BBS9: variants seen among roughly 807,000 people sequenced by gnomAD.
The protein encoded by BBS9 is Bardet-Biedl syndrome 9, also known as protein PTHB1.
Under a neutral mutation model 117.7 loss-of-function variants are expected in BBS9, and 89 were observed. That is an observed-to-expected ratio of 0.76 (90% CI 0.64 to 0.90). The LOEUF is 0.90. Among genes scored for constraint, BBS9 ranks in the 40% least tolerant of loss-of-function variants. BBS9 has a pLI of 0.00. For synonymous variants in BBS9, 379 were observed against 370.9 expected (o/e 1.02, Z -0.25); for missense variants, 982 against 1,042.2 (o/e 0.94, Z 0.80).
chr7:33,369,843 A>T lies in BBS9; in HGVS notation c.1789+1981A>T, dbSNP rs543195067. Among the ~76,000 whole-genome samples the T allele has an allele frequency of 1.4e-4, 22 of 152,350 alleles. No individual in the cohort carries two copies. In the East Asian group the frequency reaches 4.0e-3, roughly 28 times the overall value. On this transcript the variant is annotated intron_variant, in intron 17 of 22. Transcript: ENST00000242067. ...AGGTACCTAGTATTAATTGTAGTCC[A>T]GCAATCTGCTTTACAGAAAAATCCT...
chr7:33,352,970 T>C, intron 15 of BBS9, 97 bp downstream of exon 15: 1 of 1,289,998 alleles, frequency 7.8e-7, no homozygotes, highest in Non-Finnish European at 1.1e-6. Context: ...TTTTATGGAC[T>C]GCTCTTTTAA....
chr7:33,353,819 G>T (rs1475026510), intron 15 of BBS9, among the ~76,000 whole-genome samples: 1 of 151,978 alleles, frequency 6.6e-6, no homozygotes, highest in Non-Finnish European at 1.5e-5. Context: ...ATTTATATGA[G>T]AAGTGTTTTA....
At chr7:33,260,437 A>G (rs6956945) in intron 6 of BBS9, among the ~76,000 whole-genome samples, 3,572 of 152,236 alleles carry the variant, frequency 0.023, 132 homozygotes, top group African/African-American at 0.081. Context: ...CCTCCTAGAT[A>G]TATTACTGCC....
rs1365724730 is a variant in BBS9 at position 33,590,341 on chromosome 7, A to C, written c.2522-14524A>C. ...TGAAAGTGGGGTCAAGAGATAGTTA[A>C]TTTTTCTTGATTTGATGTATATTGT... On this transcript the variant is annotated intron_variant, in intron 21 of 22. Coordinates refer to ENST00000242067, the MANE Select transcript of BBS9 (RefSeq NM_198428.3). Among the ~76,000 whole-genome samples, 5 of 151,212 alleles carry C rather than the reference A, an allele frequency of 3.3e-5. No individual in the cohort carries two copies. In the East Asian group the frequency reaches 9.8e-4, roughly 30 times the overall value.
intron 21 of BBS9, among the ~76,000 whole-genome samples, chr7:33,635,060 A>G (rs923334168): frequency 2.6e-5 from 4 of 152,156 alleles, no homozygotes; most frequent in Admixed American, 6.5e-5. Context: ...CCCCGGTTCA[A>G]TCCTGTGCTC....
chr7:33,593,889 C>A (rs1663918970), intron 21 of BBS9, among the ~76,000 whole-genome samples: 1 of 152,106 alleles, frequency 6.6e-6, no homozygotes, highest in African/African-American at 2.4e-5. Context: ...TCTTTTTCTG[C>A]TTAGTACATT....
intron 8 of BBS9, among the ~76,000 whole-genome samples, chr7:33,273,438 T>C (rs1170741053): frequency 6.6e-6 from 1 of 152,226 alleles, no homozygotes; most frequent in Non-Finnish European, 1.5e-5. Context: ...CATACATTAA[T>C]ACTTTCCATA....
intron 19 of BBS9, among the ~76,000 whole-genome samples, chr7:33,441,201 T>C (rs1009669682): frequency 2.0e-5 from 3 of 151,806 alleles, no homozygotes; most frequent in African/African-American, 7.3e-5. Context: ...CAACATAGGC[T>C]GGAGTGGAGT....
chr7:33,197,965 T>C (rs981319534), intron 5 of BBS9, among the ~76,000 whole-genome samples: 2 of 152,002 alleles, frequency 1.3e-5, no homozygotes, highest in African/African-American at 2.4e-5. Flanking sequence ...CAGTATTTCA[T>C]ATTGTACATA....
intron 4 of BBS9, among the ~76,000 whole-genome samples, chr7:33,175,196 C>T (rs1211900507): frequency 6.6e-6 from 1 of 151,936 alleles, no homozygotes; most frequent in African/African-American, 2.4e-5. Context: ...CCCAGCTACT[C>T]AGGAGGCTGA....
At chr7:33,204,895 C>G (rs568369878) in intron 5 of BBS9, among the ~76,000 whole-genome samples, 3 of 152,174 alleles carry the variant, frequency 2.0e-5, no homozygotes, top group African/African-American at 7.2e-5. Context: ...ATTTCATGTT[C>G]CTCTTAGTTT....
chr7:33,319,571 T>G, intron 9 of BBS9, among the ~76,000 whole-genome samples: 1 of 152,220 alleles, frequency 6.6e-6, no homozygotes, highest in East Asian at 1.9e-4. Flanking sequence ...TTTTTTATTA[T>G]GACCATTTTT....
At chr7:33,455,508 T>C (rs1236794180) in intron 19 of BBS9, among the ~76,000 whole-genome samples, 2 of 152,192 alleles carry the variant, frequency 1.3e-5, no homozygotes, top group African/African-American at 4.8e-5. Context: ...TTTTTGTTTT[T>C]CGTTTTTCCT....
intron 4 of BBS9, among the ~76,000 whole-genome samples, chr7:33,173,585 A>C (rs1796922959): frequency 6.6e-6 from 1 of 152,060 alleles, no homozygotes; most frequent in Non-Finnish European, 1.5e-5. Context: ...AAAAAAAAAA[A>C]AAAATTGAAA....
intron 5 of BBS9, among the ~76,000 whole-genome samples, chr7:33,240,415 G>C (rs1038203953): frequency 2.0e-5 from 3 of 151,926 alleles, no homozygotes; most frequent in African/African-American, 7.3e-5. Flanking sequence ...GCGCCACCAT[G>C]CCTGGCTAAT....
chr7:33,252,884 A>G (rs1796441049), intron 5 of BBS9, among the ~76,000 whole-genome samples: 1 of 152,110 alleles, frequency 6.6e-6, no homozygotes, highest in African/African-American at 2.4e-5. Context: ...TTTGTTGTGA[A>G]AAAGTATATA....
intron 19 of BBS9, among the ~76,000 whole-genome samples, chr7:33,487,453 GC>G (rs1440425240): frequency 6.6e-6 from 1 of 152,016 alleles, no homozygotes; most frequent in African/African-American, 2.4e-5. Context: ...ACTTAAATTG[GC>G]CCCTAAAAAA....
intron 4 of BBS9, among the ~76,000 whole-genome samples, chr7:33,156,155 G>GTTT (rs1794059690): frequency 6.6e-6 from 1 of 152,152 alleles, no homozygotes; most frequent in Non-Finnish European, 1.5e-5. Context: ...TCTTCACTCA[G>GTTT]TCAGGCTTCA....
intron 20 of BBS9, among the ~76,000 whole-genome samples, chr7:33,526,628 T>G (rs567433855): frequency 6.7e-6 from 1 of 148,524 alleles, no homozygotes; most frequent in African/African-American, 2.5e-5. Context: ...TCTGTATTGG[T>G]TATTCTAGTT....
Sources: allele counts gnomAD v4.1 joint callset (sites outside exome capture counted in the v4.1 genomes callset), GRCh38; gene constraint gnomAD v4.1.1; transcripts MANE v1.5; gene names NCBI Gene and HGNC (gene_info 2026-07-23, HGNC 2026-07-21).